Variants in MCC observed in about 807,000 individuals in gnomAD.
MCC encodes the protein MCC regulator of Wnt signaling pathway.
A neutral mutation model predicts 116.2 loss-of-function variants in MCC; 90 were observed. The ratio of observed to expected loss-of-function variants is 0.77; its 90% confidence interval spans 0.65 to 0.92. The LOEUF (loss-of-function observed/expected upper bound fraction) is 0.92, where lower values mean the gene tolerates loss of function less well. Ranked by LOEUF, MCC falls within the 40% of genes least tolerant of loss-of-function variation. The probability of loss-of-function intolerance (pLI) is 0.00; values close to 1 mark genes in which losing one functional copy is unlikely to be tolerated. For missense variants in MCC, 1,516 were observed against 1,312.2 expected, an observed-to-expected ratio of 1.16 and a Z score of -2.40; for synonymous variants, 578 against 510.5, an observed-to-expected ratio of 1.13 and a Z score of -1.78.
At chr5:113,215,557 T>C (rs534243882) in intron 3 of MCC, among the ~76,000 whole-genome samples, 16 of 152,242 alleles carry the variant, frequency 1.1e-4, no homozygotes, top group African/African-American at 3.4e-4. Context: ...TAAAAGACGG[T>C]TCATGGGCTG....
intron 3 of MCC, chr5:113,294,656 G>A (rs1022725143): frequency 1.8e-6 from 2 of 1,083,312 alleles, no homozygotes; most frequent in African/African-American, 1.7e-5. Flanking sequence ...GCCCGCGCGG[G>A]GACCCTCCCG....
At chr5:113,104,424 G>T in intron 6 of MCC, 69 bp from the exon 7 acceptor site, 1 of 1,421,212 alleles carries the variant, frequency 7.0e-7, no homozygotes, top group Non-Finnish European at 9.5e-7. Context: ...TTACCATGAG[G>T]GACTCATTCA....
intron 11 of MCC, among the ~76,000 whole-genome samples, chr5:113,077,417 C>G (rs1754533066): frequency 6.6e-6 from 1 of 152,214 alleles, no homozygotes; most frequent in African/African-American, 2.4e-5. Flanking sequence ...GAAAGCACTC[C>G]TCAGCAAATG....
intron 1 of MCC, among the ~76,000 whole-genome samples, chr5:113,425,161 A>C (rs1770448038): frequency 6.6e-6 from 1 of 152,184 alleles, no homozygotes; most frequent in African/African-American, 2.4e-5. Flanking sequence ...AGAAAAAGAG[A>C]AACAACAACA....
At chr5:113,137,957 C>A (rs1303133428) in intron 5 of MCC, among the ~76,000 whole-genome samples, 2 of 3,884 alleles carry the variant, frequency 5.1e-4, no homozygotes, top group Admixed American at 7.0e-3. Flanking sequence ...GGCTACATTA[C>A]CCTGTAGCTA....
intron 3 of MCC, among the ~76,000 whole-genome samples, chr5:113,164,981 C>T (rs1282107699): frequency 2.0e-5 from 3 of 152,224 alleles, no homozygotes; most frequent in African/African-American, 7.2e-5. Flanking sequence ...CAAAAAGGCG[C>T]TGTTCTACCC....
chr5:113,086,043 T>C (rs1257065692), intron 8 of MCC, among the ~76,000 whole-genome samples: 2 of 152,242 alleles, frequency 1.3e-5, no homozygotes, highest in Non-Finnish European at 2.9e-5. Flanking sequence ...CTTGCCTGAC[T>C]GTGCTGGGGA....
chr5:113,283,032 T>A (rs1766109455), intron 3 of MCC, among the ~76,000 whole-genome samples: 1 of 152,144 alleles, frequency 6.6e-6, no homozygotes, highest in African/African-American at 2.4e-5. Flanking sequence ...ACAAGTAGAG[T>A]TGCTGGGTGT....
intron 3 of MCC, among the ~76,000 whole-genome samples, chr5:113,216,726 A>G (rs1273853327): frequency 6.6e-6 from 1 of 152,220 alleles, no homozygotes; most frequent in Non-Finnish European, 1.5e-5. Flanking sequence ...CTTTTGTATC[A>G]GTTTTGACTT....
intron 3 of MCC, among the ~76,000 whole-genome samples, chr5:113,180,950 TAATCTAA>T (rs1761598330): frequency 1.3e-5 from 2 of 152,196 alleles, no homozygotes; most frequent in Non-Finnish European, 2.9e-5. Context: ...CTTTACAGTT[TAATCTAA>T]AATCATCCAA....
chr5:113,471,648 C>T (rs1379415445), intron 1 of MCC, among the ~76,000 whole-genome samples: 1 of 152,084 alleles, frequency 6.6e-6, no homozygotes, highest in Non-Finnish European at 1.5e-5. Flanking sequence ...TCTGCCCTTT[C>T]TCAGATCTCA....
intron 3 of MCC, among the ~76,000 whole-genome samples, chr5:113,173,736 T>C (rs1761187683): frequency 6.6e-6 from 1 of 152,208 alleles, no homozygotes; most frequent in African/African-American, 2.4e-5. Flanking sequence ...ATTCTATTCC[T>C]AGTAGCTAGT....
chr5:113,074,715 C>G (rs1052359585), intron 11 of MCC, among the ~76,000 whole-genome samples: 1 of 152,184 alleles, frequency 6.6e-6, no homozygotes, highest in Non-Finnish European at 1.5e-5. Flanking sequence ...AGCTGAAAAC[C>G]ACGGCACAAG....
chr5:113,215,932 A>G (rs1763297929), intron 3 of MCC, among the ~76,000 whole-genome samples: 1 of 152,174 alleles, frequency 6.6e-6, no homozygotes, highest in Non-Finnish European at 1.5e-5. Flanking sequence ...TCTCTCAAAG[A>G]AACCACCAAT....
intron 1 of MCC, among the ~76,000 whole-genome samples, chr5:113,457,546 T>G (rs1205622936): frequency 1.3e-5 from 2 of 152,298 alleles, no homozygotes; most frequent in East Asian, 3.9e-4. Flanking sequence ...GGCGTGGGAC[T>G]GGCAGGCAGC....
At chr5:113,203,052 T>TC (rs34551327) in intron 3 of MCC, among the ~76,000 whole-genome samples, 1 of 152,142 alleles carries the variant, frequency 6.6e-6, no homozygotes, top group East Asian at 1.9e-4. Context: ...TGGTGACCAC[T>TC]CCCCTTCCCA....
chr5:113,397,342 C>T (rs1769553243), intron 1 of MCC, among the ~76,000 whole-genome samples: 1 of 152,160 alleles, frequency 6.6e-6, no homozygotes, highest in Non-Finnish European at 1.5e-5. Flanking sequence ...TACTCTGTCA[C>T]TCTGCATTTC....
chr5:113,244,075 G>A (rs376043427), intron 3 of MCC, among the ~76,000 whole-genome samples: 24 of 152,210 alleles, frequency 1.6e-4, no homozygotes, highest in African/African-American at 4.3e-4. Flanking sequence ...TGGTTAAGAT[G>A]TGTCTTTGGA....
chr5:113,401,788 T>G (rs1340976609), intron 1 of MCC, among the ~76,000 whole-genome samples: 2 of 148,496 alleles, frequency 1.3e-5, no homozygotes, highest in African/African-American at 5.0e-5. Flanking sequence ...TATATATATA[T>G]TCTCCTCTAG....
Sources: gnomAD v4.1 joint callset for allele counts (sites outside exome capture counted in the v4.1 genomes callset) on GRCh38, gnomAD v4.1.1 for gene constraint, MANE v1.5 for transcripts, NCBI Gene and HGNC (gene_info 2026-07-23, HGNC 2026-07-21) for gene names.